OTUD7B: variants seen among roughly 807,000 people sequenced by gnomAD.
The protein encoded by OTUD7B is OTU domain-containing protein 7B.
A neutral mutation model predicts 82.2 loss-of-function variants in OTUD7B; 34 were observed. The ratio of observed to expected loss-of-function variants is 0.41; its 90% CI spans 0.31 to 0.55. The LOEUF is 0.55. Ranked by LOEUF, OTUD7B falls within the 20% of genes least tolerant of loss-of-function variation. The pLI is 0.20. For synonymous variants in OTUD7B, 398 were observed against 402.7 expected (o/e 0.99, Z 0.14); for missense variants, 944 against 1,062.1 (o/e 0.89, Z 1.55).
At chr1:149,966,914 A>C (rs1379615593) in intron 4 of OTUD7B, among the ~76,000 whole-genome samples, 1 of 152,182 alleles carries the variant, frequency 6.6e-6, no homozygotes, top group Non-Finnish European at 1.5e-5. Flanking sequence ...AGATAAACAC[A>C]ATTACAAACG....
the OTUD7B span, among the ~76,000 whole-genome samples, chr1:150,030,291 A>G: frequency 6.6e-6 from 1 of 152,132 alleles, no homozygotes; most frequent in Non-Finnish European, 1.5e-5. Flanking sequence ...CTTACCCTCC[A>G]GGCCCTACAT....
the OTUD7B span, among the ~76,000 whole-genome samples, chr1:150,020,099 A>G: frequency 6.6e-6 from 1 of 152,194 alleles, no homozygotes; most frequent in Non-Finnish European, 1.5e-5. Flanking sequence ...CTACATTCCA[A>G]CCTGGGTGAC....
chr1:150,054,346 GA>G, the OTUD7B span: 1 of 525,172 alleles, frequency 1.9e-6, no homozygotes, highest in African/African-American at 1.9e-5. Context: ...GCAAGAGGGT[GA>G]TTTTCCTGAA....
intron 7 of OTUD7B, among the ~76,000 whole-genome samples, chr1:149,957,951 A>G (rs1032701003): frequency 2.2e-4 from 33 of 152,216 alleles, no homozygotes; most frequent in African/African-American, 7.2e-4. Context: ...TCCCTTGGCT[A>G]GGAAAGGGAA....
chr1:149,994,437 T>A (rs1484293282), intron 1 of OTUD7B, among the ~76,000 whole-genome samples: 1 of 151,540 alleles, frequency 6.6e-6, no homozygotes, highest in Non-Finnish European at 1.5e-5. Context: ...AAAAATTAGG[T>A]AGGTGTGGTG....
chr1:149,987,340 A>G (rs1398596380), intron 1 of OTUD7B, among the ~76,000 whole-genome samples: 1 of 152,084 alleles, frequency 6.6e-6, no homozygotes, highest in East Asian at 1.9e-4. Context: ...ACTCCTCTCA[A>G]CTCCACATCA....
chr1:149,956,383 A>G, intron 7 of OTUD7B, among the ~76,000 whole-genome samples: 1 of 152,186 alleles, frequency 6.6e-6, no homozygotes, highest in Non-Finnish European at 1.5e-5. Flanking sequence ...TCTGGCTTGC[A>G]GAGTTTCTGC....
chr1:149,975,834 A>C (rs782669369), intron 2 of OTUD7B, among the ~76,000 whole-genome samples: 9 of 152,108 alleles, frequency 5.9e-5, no homozygotes, highest in Admixed American at 3.9e-4. Flanking sequence ...CAGCCTGGCC[A>C]GCATTGTGAA....
the OTUD7B span, among the ~76,000 whole-genome samples, chr1:150,023,291 C>T: frequency 2.0e-5 from 3 of 152,176 alleles, no homozygotes; most frequent in Non-Finnish European, 4.4e-5. Context: ...CTTCTGAGTA[C>T]ATATCCAAAG....
rs587757123 is a variant in OTUD7B, at chr1:150,007,015, CAG to C, written c.-67+3431_-67+3432del. On this transcript the variant is annotated intron_variant, in intron 1 of 11. Transcript: ENST00000581312. ...TATTGACCCTTCTATCAACACCCAA[CAG>C]AGTCTGGCTTCTGAGTCCCCTCCAC... Among the ~76,000 whole-genome samples the C allele has an allele frequency of 1.7e-3, 264 of 152,292 alleles. 1 individual carries two copies. The highest frequency in any genetic ancestry group is 5.9e-3 in the African/African-American group (247 of 41,554).
rs1213639498 is a variant in OTUD7B, at chr1:149,989,600, C to T, written c.-66-12024G>A. On this transcript the variant is annotated intron_variant, in intron 1 of 11. Transcript: ENST00000581312. The stretch of plus-strand genomic sequence containing the variant: ...AAAAAACCCACAAAAATTAGCTGGG[C>T]ATGGTGGCACACACTGTAGACCCAG... Among the ~76,000 whole-genome samples, 7 of 151,394 alleles carry T rather than the reference C, an allele frequency of 4.6e-5. No individual in the cohort carries two copies. The East Asian group carries it at 1.4e-3, about 29-fold the overall frequency.
intron 1 of OTUD7B, among the ~76,000 whole-genome samples, chr1:149,989,471 CA>C (rs1158826492): frequency 7.1e-5 from 8 of 112,828 alleles, no homozygotes; most frequent in Non-Finnish European, 7.0e-5. Flanking sequence ...AGACTCTGTC[CA>C]AAAAAAAAAA....
At chr1:149,948,817 T>G in intron 10 of OTUD7B, 152 bp downstream of exon 10, 1 of 593,082 alleles carries the variant, frequency 1.7e-6, no homozygotes, top group Non-Finnish European at 3.1e-6. Flanking sequence ...AGAGTCCTGG[T>G]GCCCAACCTC....
the OTUD7B span, among the ~76,000 whole-genome samples, chr1:150,041,674 T>C: frequency 3.3e-5 from 5 of 152,182 alleles, no homozygotes; most frequent in African/African-American, 1.2e-4. Context: ...TCCATCTTTC[T>C]TTTTTTAATC....
At chr1:149,955,383 T>C (rs1378158347) in intron 7 of OTUD7B, among the ~76,000 whole-genome samples, 1 of 152,218 alleles carries the variant, frequency 6.6e-6, no homozygotes, top group Non-Finnish European at 1.5e-5. Flanking sequence ...GAGTTCTAAT[T>C]TGATTGCACT....
chr1:150,061,302 C>T, the OTUD7B span, among the ~76,000 whole-genome samples: 3,275 of 152,224 alleles, frequency 0.022, 97 homozygotes, highest in African/African-American at 0.074. Context: ...TCTACAAGGA[C>T]TATGTATGTT....
chr1:150,046,233 C>T, the OTUD7B span, among the ~76,000 whole-genome samples: 151 of 152,068 alleles, frequency 9.9e-4, no homozygotes, highest in Non-Finnish European at 1.8e-3. Context: ...TGCAATCTTC[C>T]CCCAAAACCT....
rs587727434 is a variant in OTUD7B at position 149,986,340 on chromosome 1, TA to T, written c.-66-8765del. ...AAAACAGTAACTCATCTCAAAGACA[TA>T]TGTTTAAGATTGTTATACGACTTTA... On this transcript the variant is annotated intron_variant, in intron 1 of 11. Coordinates refer to ENST00000581312, the MANE Select transcript of OTUD7B (RefSeq NM_020205.4). Among the ~76,000 whole-genome samples the T allele has an allele frequency of 2.0e-4, 30 of 152,160 alleles. No homozygotes were observed. In the East Asian group the frequency reaches 5.0e-3, roughly 25 times the overall value.
intron 1 of OTUD7B, among the ~76,000 whole-genome samples, chr1:149,988,125 T>C (rs1028678424): frequency 6.6e-6 from 1 of 152,144 alleles, no homozygotes; most frequent in African/African-American, 2.4e-5. Flanking sequence ...CCTGCATACT[T>C]CTGGGTTGTT....
Sources: allele counts gnomAD v4.1 joint callset (sites outside exome capture counted in the v4.1 genomes callset), GRCh38; gene constraint gnomAD v4.1.1; transcripts MANE v1.5; gene names NCBI Gene and HGNC (gene_info 2026-07-23, HGNC 2026-07-21).